Variants in COQ3 observed in about 807,000 individuals in gnomAD.
COQ3 encodes the protein ubiquinone biosynthesis O-methyltransferase, mitochondrial.
Under a neutral mutation model 33.1 loss-of-function variants are expected in COQ3, and 29 were observed. The observed-to-expected ratio is 0.88, with a 90% confidence interval of 0.65 to 1.19. COQ3 has a LOEUF of 1.19. Among genes scored for constraint, COQ3 ranks in the 50% most tolerant of loss-of-function variants. The pLI, the probability that COQ3 is intolerant of heterozygous loss-of-function variation, is 0.00. For missense variants in COQ3, 437 were observed against 430.7 expected (o/e 1.01, Z -0.13); for synonymous variants, 173 against 157.8 (o/e 1.10, Z -0.72).
intron 1 of COQ3, among the ~76,000 whole-genome samples, chr6:99,387,993 T>C (rs1239707318): frequency 1.3e-5 from 2 of 151,920 alleles, no homozygotes; most frequent in African/African-American, 4.8e-5. Flanking sequence ...GGAGAAACCC[T>C]GTCTCTACTA....
At chr6:99,374,471 C>T (rs1264209956) in intron 5 of COQ3, among the ~76,000 whole-genome samples, 3 of 152,136 alleles carry the variant, frequency 2.0e-5, no homozygotes, top group Non-Finnish European at 2.9e-5. Context: ...TGCAATTTTG[C>T]TATAAATTTA....
At chr6:99,373,604 C>G (rs1466078574) in intron 5 of COQ3, among the ~76,000 whole-genome samples, 2 of 152,058 alleles carry the variant, frequency 1.3e-5, no homozygotes, top group African/African-American at 4.8e-5. Flanking sequence ...AAAGAACCTC[C>G]CTTCATACAC....
Position 99,369,495 on chromosome 6 carries a change from TGACC to T in COQ3, c.*101_*104del. The T allele has an allele frequency of 1.1e-6, 1 of 940,728 alleles. No homozygotes were observed. The highest frequency in any genetic ancestry group is 1.7e-5 in the South Asian group (1 of 60,262). 58.3% of individuals were successfully genotyped at this position (940,728 alleles called of 1,614,324 possible). ...TGTCCAAGGTTTTAGCCCTTTTTAT[TGACC>T]TTCTTTTCTTCATGATTCTCTCTCA... On this transcript the variant is annotated 3_prime_UTR_variant, in exon 7 of 7. Transcript: ENST00000254759.
At chr6:99,391,403 CA>C (rs1418473640) in intron 1 of COQ3, among the ~76,000 whole-genome samples, 1 of 151,970 alleles carries the variant, frequency 6.6e-6, no homozygotes, top group Non-Finnish European at 1.5e-5. Flanking sequence ...GGCTTTTGTT[CA>C]TTTTATTTCC....
rs1562205984 is a variant in COQ3, at chr6:99,380,475, C to T, written c.234-134G>A. 15 of 877,288 alleles carry T rather than the reference C, an allele frequency of 1.7e-5. No individual in the cohort carries two copies. The South Asian group carries it at 2.3e-4, about 13-fold the overall frequency. The allele number at this position is 877,288 out of a possible 1,614,324, so 54.3% of individuals were successfully genotyped here. ...ATCTGTATACTGCTCAATATTGATGCTTTAAAACCAAGTTTTCTTATAATC... is the reference window on the plus strand; with the variant it reads ...ATCTGTATACTGCTCAATATTGATGTTTTAAAACCAAGTTTTCTTATAATC... On this transcript the variant is annotated intron_variant, in intron 2 of 6. Transcript: ENST00000254759.
At chr6:99,378,036 C>T (rs1193271735) in intron 3 of COQ3, among the ~76,000 whole-genome samples, 12 of 142,472 alleles carry the variant, frequency 8.4e-5, no homozygotes, top group African/African-American at 3.1e-4. Flanking sequence ...AATACTTTAC[C>T]TATACAAACA....
In COQ3 at chr6:99,369,552, G is replaced by T; in HGVS notation, c.*48C>A. 2.3e-6 allele frequency: 3 copies of T among 1,297,720 alleles called. No homozygotes were observed. Among genetic ancestry groups the T allele is most frequent in the Non-Finnish European group, 3.3e-6 (3 of 910,382 alleles). The allele number at this position is 1,297,720 out of a possible 1,614,324, so 80.4% of individuals were successfully genotyped here. A position where few individuals can be genotyped will look rare whatever the true frequency, so the allele number is the denominator to read the frequency against. On this transcript the variant is annotated 3_prime_UTR_variant, in exon 7 of 7. Coordinates refer to ENST00000254759, the MANE Select transcript of COQ3 (RefSeq NM_017421.4). ...GGATAAATTGTACATTTTTGTATTT[G>T]AAAACATCAGATATCCAAGCCATAT...
At chr6:99,370,363 T>G (rs1330155277) in intron 6 of COQ3, among the ~76,000 whole-genome samples, 1 of 126,916 alleles carries the variant, frequency 7.9e-6, no homozygotes, top group Non-Finnish European at 1.7e-5. Context: ...TTTTTTTTTT[T>G]TGTGAGACAG....
At chr6:99,389,130 T>G (rs572685284) in intron 1 of COQ3, among the ~76,000 whole-genome samples, 106 of 152,102 alleles carry the variant, frequency 7.0e-4, no homozygotes, top group South Asian at 1.0e-3. Flanking sequence ...TTTTGTTTTG[T>G]TTTTGGGGGG....
chr6:99,393,941 G>C, intron 1 of COQ3, 133 bp downstream of exon 1: 1 of 711,700 alleles, frequency 1.4e-6, no homozygotes, highest in South Asian at 1.6e-5. Flanking sequence ...ATGGGGCCAG[G>C]ACCAAGCCTT....
At chr6:99,374,890 G>A (rs946582127) in intron 5 of COQ3, among the ~76,000 whole-genome samples, 1 of 151,602 alleles carries the variant, frequency 6.6e-6, no homozygotes, top group Non-Finnish European at 1.5e-5. Context: ...AAACTATTAC[G>A]CATTTACCAT....
chr6:99,393,186 T>C (rs1225441608), intron 1 of COQ3, among the ~76,000 whole-genome samples: 3 of 151,540 alleles, frequency 2.0e-5, no homozygotes, highest in Non-Finnish European at 2.9e-5. Context: ...ACATACTGAT[T>C]TGTAACTTTT....
rs1311779445 is a variant in COQ3, at chr6:99,375,951, G to T, written c.718C>A (p.Gln240Lys). The T allele has an allele frequency of 1.2e-6, 2 of 1,613,894 alleles. No individual in the cohort carries two copies. Among genetic ancestry groups the T allele is most frequent in the Admixed American group, 3.3e-5 (2 of 60,016 alleles). The change falls in exon 5 of 7, where the codon CAA becomes AAA. Residue 240 changes from glutamine to lysine, a missense_variant. Transcript: ENST00000254759. ...TCCATAAGCCTTACTTTTAACACTT[G>T]ACAGCAGCACTGTAAAAATGTTTCT... Reference protein sequence around the residue: ...DLETFLQCCCQVLKPGGSLFI... With the variant: ...DLETFLQCCCKVLKPGGSLFI...
chr6:99,389,078 G>A (rs11154812), intron 1 of COQ3, among the ~76,000 whole-genome samples: 13,609 of 152,082 alleles, frequency 0.089, 902 homozygotes, highest in Non-Finnish European at 0.12. Flanking sequence ...GGAACTGGGT[G>A]AATAGTACAT....
chr6:99,370,085 A>G (rs1351474486), intron 6 of COQ3, among the ~76,000 whole-genome samples: 1 of 152,202 alleles, frequency 6.6e-6, no homozygotes, highest in African/African-American at 2.4e-5. Context: ...CAGCTTGGGT[A>G]CCTATTACAT....
At chr6:99,389,322 G>C (rs1582733132) in intron 1 of COQ3, among the ~76,000 whole-genome samples, 1 of 151,958 alleles carries the variant, frequency 6.6e-6, no homozygotes, top group African/African-American at 2.4e-5. Flanking sequence ...ACAGGCTTTC[G>C]CCATGTTGAC....
chr6:99,393,577 G>A (rs1439588188), intron 1 of COQ3, among the ~76,000 whole-genome samples: 1 of 152,206 alleles, frequency 6.6e-6, no homozygotes, highest in East Asian at 1.9e-4. Flanking sequence ...GCACTGAGCA[G>A]TGCATTATTT....
Position 99,376,025 on chromosome 6 carries a change from G to A in COQ3, c.644C>T (p.Thr215Ile). The change falls in exon 5 of 7, where the codon ACA (threonine) becomes ATA (isoleucine). Residue 215 changes from threonine (T) to isoleucine (I), a missense_variant. Coordinates refer to ENST00000254759, the MANE Select transcript of COQ3 (RefSeq NM_017421.4). Reference sequence around the variant, plus strand: ...TTCAGAAGCTACAACAGCATCAAATGTTTCTGCAGTCTCTTCCACAATCTC... The same window carrying A: ...TTCAGAAGCTACAACAGCATCAAATATTTCTGCAGTCTCTTCCACAATCTC... ...LEEIVEETAETFDAVVASEVV... is the reference protein window; with the variant it reads ...LEEIVEETAEIFDAVVASEVV... 1.2e-6 allele frequency: 2 copies of A among 1,614,010 alleles called. No individual in the cohort carries two copies. The highest frequency in any genetic ancestry group is 1.1e-5 in the South Asian group (1 of 91,078).
At chr6:99,392,170 T>A (rs1489149967) in intron 1 of COQ3, among the ~76,000 whole-genome samples, 1 of 150,280 alleles carries the variant, frequency 6.7e-6, no homozygotes, top group Non-Finnish European at 1.5e-5. Context: ...TGGGAAAAGG[T>A]TTTTTTCATT....
Sources: allele counts gnomAD v4.1 joint callset (sites outside exome capture counted in the v4.1 genomes callset), GRCh38; gene constraint gnomAD v4.1.1; transcripts MANE v1.5; gene names NCBI Gene and HGNC (gene_info 2026-07-23, HGNC 2026-07-21).